Variants in PCDH15 observed in about 807,000 individuals in gnomAD.
PCDH15 encodes protocadherin related 15.
Under a neutral mutation model 178.5 loss-of-function variants are expected in PCDH15, and 129 were observed. That is an observed-to-expected ratio of 0.72 (90% CI 0.63 to 0.84). The LOEUF (loss-of-function observed/expected upper bound fraction) is 0.84. Ranked by LOEUF, PCDH15 falls within the 40% of genes least tolerant of loss-of-function variation. The pLI is 0.00. For synonymous variants in PCDH15, 800 were observed against 732.0 expected (o/e 1.09, Z -1.50); for missense variants, 2,230 against 2,099.9 (o/e 1.06, Z -1.21).
At chr10:54,004,753 G>A (rs1020050793) in intron 20 of PCDH15, among the ~76,000 whole-genome samples, 2 of 151,726 alleles carry the variant, frequency 1.3e-5, no homozygotes, top group African/African-American at 2.4e-5. Flanking sequence ...CAGATTCAAT[G>A]CAATCCCTGT....
At chr10:54,907,219 A>G (rs964213119) in intron 2 of PCDH15, among the ~76,000 whole-genome samples, 1 of 152,220 alleles carries the variant, frequency 6.6e-6, no homozygotes, top group African/African-American at 2.4e-5. Flanking sequence ...AATTAATGAC[A>G]CTAATAAATA....
intron 2 of PCDH15, among the ~76,000 whole-genome samples, chr10:55,333,148 C>T (rs1214080788): frequency 6.6e-6 from 1 of 152,142 alleles, no homozygotes; most frequent in Middle Eastern, 3.4e-3. Context: ...CAAACTTGAA[C>T]CCAATTATAA....
At chr10:54,444,259 C>T (rs746343494) in intron 3 of PCDH15, among the ~76,000 whole-genome samples, 165 of 151,700 alleles carry the variant, frequency 1.1e-3, no homozygotes, top group Non-Finnish European at 1.9e-3. Context: ...CATTATGCAT[C>T]CCATTGCCAA....
At chr10:55,315,570 C>T (rs1843703975) in intron 1 of PCDH15, among the ~76,000 whole-genome samples, 1 of 152,162 alleles carries the variant, frequency 6.6e-6, no homozygotes, top group African/African-American at 2.4e-5. Context: ...CTTGGTCATA[C>T]TTTTTATTCC....
chr10:54,068,947 T>A (rs1662499989), intron 17 of PCDH15, among the ~76,000 whole-genome samples: 1 of 152,240 alleles, frequency 6.6e-6, no homozygotes, highest in Admixed American at 6.5e-5. Flanking sequence ...ATTCAAGTGC[T>A]ACTTGACTAG....
intron 2 of PCDH15, among the ~76,000 whole-genome samples, chr10:55,551,549 A>T (rs759207964): frequency 5.3e-5 from 8 of 151,814 alleles, no homozygotes; most frequent in Non-Finnish European, 1.2e-4. Context: ...AGCTTGTCAA[A>T]AATATTTAAT....
chr10:54,413,969 C>T (rs1953946215), intron 3 of PCDH15, among the ~76,000 whole-genome samples: 1 of 151,856 alleles, frequency 6.6e-6, no homozygotes, highest in Admixed American at 6.6e-5. Context: ...TAATCATCAC[C>T]CAAATCATTA....
intron 3 of PCDH15, among the ~76,000 whole-genome samples, chr10:54,451,510 T>C (rs565682470): frequency 6.6e-6 from 1 of 151,922 alleles, no homozygotes; most frequent in Non-Finnish European, 1.5e-5. Context: ...TAAAAATTAT[T>C]TTGTCATTTT....
At chr10:53,984,050 T>C (rs2090895642) in intron 21 of PCDH15, among the ~76,000 whole-genome samples, 1 of 151,950 alleles carries the variant, frequency 6.6e-6, no homozygotes, top group Non-Finnish European at 1.5e-5. Context: ...AGAACCTTCC[T>C]TGACTCTCTA....
intron 3 of PCDH15, among the ~76,000 whole-genome samples, chr10:54,519,400 C>T (rs2082595557): frequency 6.6e-6 from 1 of 151,792 alleles, no homozygotes; most frequent in Non-Finnish European, 1.5e-5. Context: ...AAATCACAAG[C>T]ATTCTTATAC....
intron 1 of PCDH15, among the ~76,000 whole-genome samples, chr10:54,759,430 A>T (rs1308923588): frequency 6.6e-6 from 1 of 152,190 alleles, no homozygotes; most frequent in Non-Finnish European, 1.5e-5. Context: ...AAAGTTCTGT[A>T]CTAATATATA....
intron 2 of PCDH15, among the ~76,000 whole-genome samples, chr10:55,521,841 T>C (rs1028986432): frequency 5.3e-5 from 8 of 152,034 alleles, no homozygotes; most frequent in Non-Finnish European, 1.2e-4. Context: ...CTATCTTAAA[T>C]GCAGTTGGAA....
At chr10:54,491,021 T>G (rs1015911046) in intron 3 of PCDH15, among the ~76,000 whole-genome samples, 2 of 152,102 alleles carry the variant, frequency 1.3e-5, no homozygotes, top group East Asian at 3.9e-4. Flanking sequence ...AGCAGTATGG[T>G]CTGCAGCAAA....
intron 1 of PCDH15, among the ~76,000 whole-genome samples, chr10:55,264,932 T>C (rs1842241863): frequency 6.6e-6 from 1 of 152,140 alleles, no homozygotes; most frequent in African/African-American, 2.4e-5. Flanking sequence ...GCCAACAGTG[T>C]AAGATTGACC....
intron 15 of PCDH15, among the ~76,000 whole-genome samples, chr10:54,122,824 T>C (rs1270826474): frequency 2.7e-5 from 4 of 146,472 alleles, no homozygotes; most frequent in African/African-American, 1.0e-4. Flanking sequence ...TAGGCATAAA[T>C]CTAACCAAGG....
At chr10:54,511,678 A>G (rs2081680854) in intron 3 of PCDH15, among the ~76,000 whole-genome samples, 3 of 152,164 alleles carry the variant, frequency 2.0e-5, no homozygotes, top group Admixed American at 1.3e-4. Flanking sequence ...TTTAACTCTT[A>G]GTCTCAAACC....
chr10:53,864,344 A>C (rs1212858329), intron 27 of PCDH15, among the ~76,000 whole-genome samples: 1 of 152,162 alleles, frequency 6.6e-6, no homozygotes. Flanking sequence ...AAACAAACAA[A>C]CAAACAAAAA....
chr10:54,419,511 T>C (rs1954944504), intron 3 of PCDH15, among the ~76,000 whole-genome samples: 1 of 152,144 alleles, frequency 6.6e-6, no homozygotes, highest in Non-Finnish European at 1.5e-5. Context: ...CAAACTCTGA[T>C]TGATTTGCTC....
chr10:54,857,537 C>A (rs1443822377), intron 3 of PCDH15, among the ~76,000 whole-genome samples: 1 of 151,988 alleles, frequency 6.6e-6, no homozygotes, highest in Non-Finnish European at 1.5e-5. Flanking sequence ...ACCTCGAATT[C>A]CTGGGAAAAA....
Sources: allele counts gnomAD v4.1 joint callset (sites outside exome capture counted in the v4.1 genomes callset), GRCh38; gene constraint gnomAD v4.1.1; transcripts MANE v1.5; gene names NCBI Gene and HGNC (gene_info 2026-07-23, HGNC 2026-07-21).